Variants in PLD5 observed in about 807,000 individuals in gnomAD.
PLD5 encodes phospholipase D family member 5.
In PLD5, 36 loss-of-function variants were observed where a neutral mutation model predicts 61.1. That is an observed-to-expected ratio of 0.59 (90% confidence interval 0.45 to 0.78). The LOEUF is 0.78. PLD5 is among the 30% of genes least tolerant of loss of function. PLD5 has a pLI of 0.00. For synonymous variants in PLD5, 243 were observed against 242.8 expected (o/e 1.00, Z -0.01); for missense variants, 515 against 644.4 (o/e 0.80, Z 2.17).
At chr1:242,385,309 A>G (rs1260911820) in intron 1 of PLD5, among the ~76,000 whole-genome samples, 2 of 152,162 alleles carry the variant, frequency 1.3e-5, no homozygotes, top group African/African-American at 2.4e-5. Flanking sequence ...GGCTTGCATA[A>G]TGTCCTCTGG....
intron 2 of PLD5, among the ~76,000 whole-genome samples, chr1:242,295,143 TTTAA>T (rs1035536064): frequency 2.2e-4 from 34 of 152,222 alleles, no homozygotes; most frequent in African/African-American, 7.7e-4. Context: ...TGGCTAAAAT[TTTAA>T]TTATAGATTC....
intron 1 of PLD5, among the ~76,000 whole-genome samples, chr1:242,517,997 G>C (rs1669159837): frequency 6.6e-6 from 1 of 152,084 alleles, no homozygotes. Context: ...AATAGCTCAA[G>C]TCAGTGAAAC....
rs539915112 is a variant in PLD5 at position 242,301,938 on chromosome 1, C to T, written c.327-13408G>A. Among the ~76,000 whole-genome samples, 133 of 152,036 alleles carry T rather than the reference C, an allele frequency of 8.7e-4. 2 individuals are homozygous for T. In the South Asian group the frequency reaches 0.022, roughly 26 times the overall value. On this transcript the variant is annotated intron_variant, in intron 2 of 9. Transcript: ENST00000536534. Reference sequence around the variant, plus strand: ...GATTACTAGGGCCTGCCACCACACCCGGCTAATTATTTTTGTATTTGTAGT... The same window carrying T: ...GATTACTAGGGCCTGCCACCACACCTGGCTAATTATTTTTGTATTTGTAGT...
chr1:242,237,404 C>T (rs1028039757), intron 4 of PLD5, among the ~76,000 whole-genome samples: 1 of 152,174 alleles, frequency 6.6e-6, no homozygotes, highest in African/African-American at 2.4e-5. Flanking sequence ...AGCTCCAAAT[C>T]TGTCCTTCAA....
chr1:242,326,363 AAGT>A (rs1434011708), intron 2 of PLD5, among the ~76,000 whole-genome samples: 1 of 152,120 alleles, frequency 6.6e-6, no homozygotes, highest in Non-Finnish European at 1.5e-5. Context: ...CTGCGGCTCA[AAGT>A]TGTTCTTCCT....
chr1:242,253,439 A>G (rs410071), intron 4 of PLD5, among the ~76,000 whole-genome samples: 33,454 of 150,502 alleles, frequency 0.22, 4,144 homozygotes, highest in Non-Finnish European at 0.29. Context: ...TCAGCCTCCC[A>G]AGTAGCTGAG....
chr1:242,106,933 G>A (rs1661102430), intron 8 of PLD5, among the ~76,000 whole-genome samples: 1 of 152,166 alleles, frequency 6.6e-6, no homozygotes, highest in Non-Finnish European at 1.5e-5. Flanking sequence ...GGAAGAGGGC[G>A]ACGAGGACTG....
intron 4 of PLD5, among the ~76,000 whole-genome samples, chr1:242,236,915 A>T (rs1269526023): frequency 3.3e-5 from 5 of 152,230 alleles, no homozygotes; most frequent in Non-Finnish European, 7.3e-5. Flanking sequence ...CCAAGGAAGA[A>T]TTGGGCTCAC....
chr1:242,508,209 C>CA (rs11458705), intron 1 of PLD5, among the ~76,000 whole-genome samples: 55,781 of 137,508 alleles, frequency 0.41, 10,588 homozygotes, highest in Admixed American at 0.46. Context: ...ACTAAAAATA[C>CA]AAAAAAAAAA....
chr1:242,384,795 A>G (rs571553091), intron 1 of PLD5, among the ~76,000 whole-genome samples: 2 of 152,314 alleles, frequency 1.3e-5, no homozygotes, highest in South Asian at 4.1e-4. Context: ...AAAAAATTTG[A>G]ATTACCTTTT....
intron 1 of PLD5, among the ~76,000 whole-genome samples, chr1:242,404,472 T>C (rs1019993535): frequency 1.6e-4 from 24 of 152,180 alleles, no homozygotes; most frequent in African/African-American, 5.3e-4. Flanking sequence ...CGTTTCTAGC[T>C]GGCTTCCATG....
chr1:242,250,524 A>G (rs1365069726), intron 4 of PLD5, among the ~76,000 whole-genome samples: 1 of 152,128 alleles, frequency 6.6e-6, no homozygotes, highest in African/African-American at 2.4e-5. Flanking sequence ...TTTTTTAACC[A>G]ATTCTATTTC....
chr1:242,449,588 C>G (rs888693447), intron 1 of PLD5: 4 of 1,334,278 alleles, frequency 3.0e-6, no homozygotes, highest in Non-Finnish European at 3.9e-6. Flanking sequence ...CAGAATTTCC[C>G]CTAGAATGTG....
At chr1:242,239,360 T>A (rs1354662634) in intron 4 of PLD5, among the ~76,000 whole-genome samples, 3 of 152,182 alleles carry the variant, frequency 2.0e-5, no homozygotes, top group Non-Finnish European at 4.4e-5. Context: ...TTATGTTGTA[T>A]TGACTTGTAC....
At chr1:242,127,136 C>A (rs1553304520) in intron 5 of PLD5, among the ~76,000 whole-genome samples, 1 of 151,898 alleles carries the variant, frequency 6.6e-6, no homozygotes, top group Non-Finnish European at 1.5e-5. Context: ...TGGCTATAAT[C>A]AAAAAATAAA....
At chr1:242,304,948 A>G (rs1214403012) in intron 2 of PLD5, among the ~76,000 whole-genome samples, 2 of 152,176 alleles carry the variant, frequency 1.3e-5, no homozygotes, top group African/African-American at 2.4e-5. Context: ...TACAAAAAAT[A>G]CAAAAACATT....
At chr1:242,443,647 A>G (rs1666373827) in intron 1 of PLD5, among the ~76,000 whole-genome samples, 1 of 152,188 alleles carries the variant, frequency 6.6e-6, no homozygotes, top group African/African-American at 2.4e-5. Context: ...GGAAGAGTGA[A>G]CGTAAACTGT....
chr1:242,193,378 G>T (rs901055557), intron 5 of PLD5, among the ~76,000 whole-genome samples: 2 of 152,182 alleles, frequency 1.3e-5, no homozygotes, highest in Non-Finnish European at 2.9e-5. Context: ...CTTTGGCCGG[G>T]TTCTTGGAGT....
At position 242,085,963 on chromosome 1, in the gene PLD5, CT is replaced by C. The variant is rs1659427725; in HGVS notation, c.*3890del. 1 of 151,996 alleles carries C rather than the reference CT, an allele frequency of 6.6e-6. No homozygotes were observed. Among genetic ancestry groups the C allele is most frequent in the South Asian group, 2.1e-4 (1 of 4,820 alleles). The allele number at this position is 151,996 out of a possible 1,614,324, so 9.4% of individuals were successfully genotyped here. On this transcript the variant is annotated 3_prime_UTR_variant, in exon 10 of 10. Transcript: ENST00000536534. ...TATCAAGAAATTCTTATGGTCTTTTCTCCCCCCTTGGAATTTAGTTCAATAA... is the reference window on the plus strand; with the variant it reads ...TATCAAGAAATTCTTATGGTCTTTTCCCCCCCTTGGAATTTAGTTCAATAA...
Sources: allele counts gnomAD v4.1 joint callset (sites outside exome capture counted in the v4.1 genomes callset), GRCh38; gene constraint gnomAD v4.1.1; transcripts MANE v1.5; gene names NCBI Gene and HGNC (gene_info 2026-07-23, HGNC 2026-07-21).